Variants in ABR observed in about 807,000 individuals in gnomAD.
The protein encoded by ABR is active breakpoint cluster region-related protein.
ABR carries 35 observed loss-of-function variants against 107.2 expected under a neutral mutation model. The observed-to-expected ratio is 0.33, with a 90% CI of 0.25 to 0.43. The LOEUF is 0.43. ABR is among the 20% of genes least tolerant of loss of function. ABR has a pLI of 1.00. For synonymous variants in ABR, 498 were observed against 462.0 expected, an observed-to-expected ratio of 1.08 and a Z score of -1.00; for missense variants, 815 against 1,115.2, an observed-to-expected ratio of 0.73 and a Z score of 3.83.
intron 1 of ABR, among the ~76,000 whole-genome samples, chr17:1,167,548 A>G (rs1184833803): frequency 6.6e-6 from 1 of 152,118 alleles, no homozygotes; most frequent in East Asian, 1.9e-4. Context: ...CTGGGCCCCA[A>G]CCTGAGGTCT....
rs1157459319 is a variant in ABR, at chr17:1,179,720, G to T, written c.8C>A (p.Pro3Gln). 1 of 1,549,670 alleles carries T rather than the reference G, an allele frequency of 6.5e-7. No homozygotes were observed. Among genetic ancestry groups the T allele is most frequent in the Non-Finnish European group, 8.7e-7 (1 of 1,148,052 alleles). The change falls in exon 1 of 23, where the codon CCG becomes CAG. Residue 3 changes from proline to glutamine, a missense_variant. Pro to Gln is a moderately conservative substitution (Grantham distance 76). Around this residue, in one of 5 missense-constraint regions of ABR, gnomAD observed 129 missense variants for 124.8 expected, o/e 1.03. Transcript: ENST00000302538. This position sits in a 1 kb window ranked among gnomAD's most constrained non-coding sequence, Gnocchi z 4.9. ...GCGCGGCAGGCCCCGGTGGCTGAGC[G>T]GCTCCATCCCGCGGCGGCGGCTCGG... ME[P>Q]LSHRGLPRLS...
intron 3 of ABR, among the ~76,000 whole-genome samples, chr17:1,098,195 C>T (rs1264603282): frequency 1.3e-5 from 2 of 152,046 alleles, no homozygotes; most frequent in East Asian, 3.9e-4. Flanking sequence ...GCCTCAGCCT[C>T]CCGAGTGGCT....
intron 16 of ABR, among the ~76,000 whole-genome samples, chr17:1,015,545 C>G (rs1322639484): frequency 6.6e-6 from 1 of 151,996 alleles, no homozygotes; most frequent in African/African-American, 2.4e-5. Context: ...CAACCTCCGC[C>G]TCCTGGGTTC....
intron 1 of ABR, among the ~76,000 whole-genome samples, chr17:1,130,122 A>C (rs573237813): frequency 2.2e-4 from 34 of 152,232 alleles, no homozygotes; most frequent in African/African-American, 7.5e-4. Context: ...GTGTGCTTAC[A>C]ATTGTTCATG....
intron 16 of ABR, among the ~76,000 whole-genome samples, chr17:1,023,609 C>T (rs565811355): frequency 9.8e-5 from 15 of 152,334 alleles, no homozygotes; most frequent in Non-Finnish European, 1.5e-5. Context: ...GGTCAAAGTC[C>T]AAGATGAGAG....
At chr17:1,137,935 C>CG (rs1002434202) in intron 1 of ABR, among the ~76,000 whole-genome samples, 63 of 151,256 alleles carry the variant, frequency 4.2e-4, no homozygotes, top group African/African-American at 1.5e-3. Context: ...GGGTCTCACT[C>CG]TGTCACCCAG....
At chr17:1,080,169 C>T (rs2036115477) in intron 5 of ABR, among the ~76,000 whole-genome samples, 1 of 152,246 alleles carries the variant, frequency 6.6e-6, no homozygotes, top group Non-Finnish European at 1.5e-5. Context: ...ATGCTGAGCT[C>T]CCCAGGACAG....
chr17:1,133,819 CCAG>C (rs1162459134), intron 1 of ABR, among the ~76,000 whole-genome samples: 1 of 152,164 alleles, frequency 6.6e-6, no homozygotes, highest in African/African-American at 2.4e-5. Context: ...TCTCTCATTA[CCAG>C]GAACGGCTGC....
intron 16 of ABR, among the ~76,000 whole-genome samples, chr17:1,014,364 C>A (rs1329049116): frequency 7.5e-6 from 1 of 132,694 alleles, no homozygotes; most frequent in Non-Finnish European, 1.6e-5. Context: ...TAGCGTGAAC[C>A]CGGGAGGCAG....
intron 1 of ABR, among the ~76,000 whole-genome samples, chr17:1,208,938 G>A (rs548257531): frequency 4.0e-5 from 6 of 151,182 alleles, no homozygotes; most frequent in South Asian, 2.1e-4. Flanking sequence ...AGTTAAAGAC[G>A]GCAAGTGCTT....
intron 16 of ABR, among the ~76,000 whole-genome samples, chr17:1,028,887 CT>C (rs1250839757): frequency 6.7e-6 from 1 of 149,700 alleles, no homozygotes; most frequent in Non-Finnish European, 1.5e-5. Context: ...ACCGGCCTCC[CT>C]TCAGGCCCTC....
At chr17:1,174,709 C>T (rs2041861150) in intron 1 of ABR, among the ~76,000 whole-genome samples, 1 of 152,214 alleles carries the variant, frequency 6.6e-6, no homozygotes, top group Non-Finnish European at 1.5e-5. Context: ...CCACTGCAGG[C>T]TCTTGCTTGG....
chr17:1,011,092 A>G lies in ABR; in HGVS notation c.2102-229T>C. The G allele has an allele frequency of 3.5e-6, 2 of 566,516 alleles. No homozygotes were observed. The highest frequency in any genetic ancestry group is 6.3e-6 in the Non-Finnish European group (2 of 317,584). 35.1% of individuals were successfully genotyped at this position (566,516 alleles called of 1,614,324 possible). Reference sequence around the variant, plus strand: ...GCCATCTGCTGTGGCTGCTTGGGAAAGGGTGTTTGGGGAGTGAAATCCATC... The same window carrying G: ...GCCATCTGCTGTGGCTGCTTGGGAAGGGGTGTTTGGGGAGTGAAATCCATC... On this transcript the variant is annotated intron_variant, in intron 19 of 22. Transcript: ENST00000302538. The surrounding 1 kb of genome is among the most constrained non-coding windows in gnomAD (Gnocchi z 4.8).
chr17:1,079,112 C>T (rs1212222571), intron 6 of ABR: 28 of 1,436,296 alleles, frequency 1.9e-5, no homozygotes, highest in Non-Finnish European at 2.5e-5. Flanking sequence ...AAGAGGAGCA[C>T]GTTTGTAGCT....
At chr17:1,064,275 GA>G (rs2034422823) in intron 10 of ABR, among the ~76,000 whole-genome samples, 1 of 28,098 alleles carries the variant, frequency 3.6e-5, no homozygotes, top group African/African-American at 1.0e-4. Flanking sequence ...TGTTCCTCCA[GA>G]CACTGTTGTT....
At chr17:1,172,478 C>T (rs1346201266) in intron 1 of ABR, among the ~76,000 whole-genome samples, 4 of 152,130 alleles carry the variant, frequency 2.6e-5, no homozygotes, top group African/African-American at 4.8e-5. Flanking sequence ...GGGCCGGGCA[C>T]GGTGGCTCAC....
intron 16 of ABR, among the ~76,000 whole-genome samples, chr17:1,042,693 G>A (rs1038766545): frequency 2.0e-5 from 3 of 149,698 alleles, no homozygotes; most frequent in East Asian, 4.0e-4. Context: ...ATAAATAGAC[G>A]TGGCACCTAC....
intron 3 of ABR, among the ~76,000 whole-genome samples, chr17:1,094,819 G>C (rs73291622): frequency 0.039 from 5,935 of 152,112 alleles, 379 homozygotes; most frequent in African/African-American, 0.14. Flanking sequence ...CACATACCAG[G>C]TCCTTGGAGA....
chr17:1,172,952 C>T (rs571743845), intron 1 of ABR, among the ~76,000 whole-genome samples: 99 of 33,802 alleles, frequency 2.9e-3, no homozygotes, highest in African/African-American at 3.5e-3. Flanking sequence ...GGTAATCCAC[C>T]CCCCCCATCA....
Sources: gnomAD v4.1 joint callset for allele counts (sites outside exome capture counted in the v4.1 genomes callset) on GRCh38, gnomAD v4.1.1 for gene constraint, gnomAD v4.1.1 regional missense constraint, Gnocchi (gnomAD v3.1) non-coding constraint, MANE v1.5 for transcripts, NCBI Gene and HGNC (gene_info 2026-07-23, HGNC 2026-07-21) for gene names.